The following PDLIM5 variants were observed in gnomAD, a reference collection of about 807,000 sequenced individuals.
PDLIM5 encodes PDZ and LIM domain 5.
A neutral mutation model predicts 64.2 loss-of-function variants in PDLIM5; 34 were observed. The observed-to-expected ratio is 0.53, with a 90% CI of 0.40 to 0.71. PDLIM5 has a LOEUF of 0.71. PDLIM5 is among the 30% of genes least tolerant of loss of function. The probability of loss-of-function intolerance (pLI) is 0.00; values close to 1 mark genes in which losing one functional copy is unlikely to be tolerated. For synonymous variants in PDLIM5, 253 were observed against 269.1 expected, an observed-to-expected ratio of 0.94 and a Z score of 0.59; for missense variants, 683 against 733.6, an observed-to-expected ratio of 0.93 and a Z score of 0.80.
chr4:94,475,626 CAG>C (rs1284181556), intron 2 of PDLIM5, among the ~76,000 whole-genome samples: 1 of 152,042 alleles, frequency 6.6e-6, no homozygotes, highest in Admixed American at 6.6e-5. Flanking sequence ...CAGGTGGACA[CAG>C]GGAGTTGTTT....
chr4:94,618,286 C>G, intron 8 of PDLIM5, 95 bp downstream of exon 8: 1 of 746,750 alleles, frequency 1.3e-6, no homozygotes, highest in East Asian at 3.0e-5. Flanking sequence ...CTGGTAAAAC[C>G]CATTCTCAAT....
chr4:94,455,025 A>T (rs1173012083), intron 1 of PDLIM5, among the ~76,000 whole-genome samples: 1 of 152,236 alleles, frequency 6.6e-6, no homozygotes, highest in East Asian at 1.9e-4. Flanking sequence ...AGTGTCTAGA[A>T]ATGTATTCTG....
At chr4:94,521,505 T>A (rs1300955555) in intron 2 of PDLIM5, among the ~76,000 whole-genome samples, 1 of 151,790 alleles carries the variant, frequency 6.6e-6, no homozygotes, top group Non-Finnish European at 1.5e-5. Context: ...AGGATTCCTG[T>A]GCTCCATGAT....
In PDLIM5 at chr4:94,667,997, T is replaced by G. The variant is rs1439332654; in HGVS notation, c.*3930T>G. 6.6e-6 allele frequency: 1 copy of G among 152,194 alleles called. No individual in the cohort carries two copies. Among genetic ancestry groups the G allele is most frequent in the African/African-American group, 2.4e-5 (1 of 41,462 alleles). The allele number at this position is 152,194 out of a possible 1,614,324, so 9.4% of individuals were successfully genotyped here. On this transcript the variant is annotated 3_prime_UTR_variant, in exon 13 of 13. Transcript: ENST00000317968. ...TTACACAAATTTGATCTGGCTTCCA[T>G]TTGTCCCCCTCATTTCCCAAATGTT...
intron 2 of PDLIM5, among the ~76,000 whole-genome samples, chr4:94,507,576 ACT>A (rs1262474043): frequency 6.6e-6 from 1 of 152,048 alleles, no homozygotes; most frequent in Non-Finnish European, 1.5e-5. Context: ...AACTAATCTA[ACT>A]CTGACTTTTA....
chr4:94,580,776 A>G (rs1469708720), intron 5 of PDLIM5, among the ~76,000 whole-genome samples: 2 of 152,068 alleles, frequency 1.3e-5, no homozygotes, highest in African/African-American at 4.8e-5. Flanking sequence ...ATTTGAGCCT[A>G]GGTCTTTTGA....
At chr4:94,612,453 T>G (rs1166275412) in intron 7 of PDLIM5, among the ~76,000 whole-genome samples, 1 of 152,136 alleles carries the variant, frequency 6.6e-6, no homozygotes, top group Non-Finnish European at 1.5e-5. Flanking sequence ...ATGCTTAGAG[T>G]ACACTTTGAG....
intron 3 of PDLIM5, among the ~76,000 whole-genome samples, chr4:94,567,730 T>G (rs932261039): frequency 6.6e-6 from 1 of 152,190 alleles, no homozygotes; most frequent in African/African-American, 2.4e-5. Flanking sequence ...TGAAAGAGGT[T>G]TTTAGCACTC....
intron 5 of PDLIM5, among the ~76,000 whole-genome samples, chr4:94,584,036 A>G (rs547953265): frequency 6.6e-6 from 1 of 152,302 alleles, no homozygotes; most frequent in East Asian, 1.9e-4. Flanking sequence ...TTCACTGGGG[A>G]AAAGCTTTTC....
intron 9 of PDLIM5, among the ~76,000 whole-genome samples, chr4:94,642,316 T>C (rs576769421): frequency 1.3e-5 from 2 of 152,320 alleles, no homozygotes; most frequent in South Asian, 4.1e-4. Context: ...AATTCCATGA[T>C]ATCCTGTAAT....
rs1418989806 is a variant in PDLIM5, at chr4:94,664,645, G to A, written c.*578G>A. On this transcript the variant is annotated 3_prime_UTR_variant, in exon 13 of 13. Coordinates refer to ENST00000317968, the MANE Select transcript of PDLIM5 (RefSeq NM_006457.5). ...AGCACTTTGGGAGGCCAAGGTGGGTGGACCACATGAGGTCAGGAGTTTGAG... is the reference window on the plus strand; with the variant it reads ...AGCACTTTGGGAGGCCAAGGTGGGTAGACCACATGAGGTCAGGAGTTTGAG... 7.8e-6 allele frequency: 2 copies of A among 257,416 alleles called. No individual in the cohort carries two copies. Among genetic ancestry groups the A allele is most frequent in the South Asian group, 1.5e-4 (1 of 6,850 alleles). 15.9% of individuals were successfully genotyped at this position (257,416 alleles called of 1,614,324 possible). A position where few individuals can be genotyped will look rare whatever the true frequency, so the allele number is the denominator to read the frequency against.
intron 3 of PDLIM5, among the ~76,000 whole-genome samples, chr4:94,554,729 G>A (rs1733119559): frequency 6.6e-6 from 1 of 152,070 alleles, no homozygotes; most frequent in South Asian, 2.1e-4. Context: ...TGTTTTTAAA[G>A]TTTGCTGTCA....
chr4:94,472,284 C>T (rs772675344), intron 2 of PDLIM5, among the ~76,000 whole-genome samples: 9 of 152,114 alleles, frequency 5.9e-5, no homozygotes, highest in Non-Finnish European at 1.0e-4. Flanking sequence ...CTTCTTCCAT[C>T]TGTCATGGTC....
intron 7 of PDLIM5, chr4:94,587,541 ATTAT>A (rs1279813010): frequency 2.2e-6 from 2 of 912,128 alleles, no homozygotes; most frequent in Non-Finnish European, 2.6e-6. Context: ...TTGATTGTAA[ATTAT>A]TCTAAATAAG....
chr4:94,574,368 C>G (rs1013989713), intron 4 of PDLIM5, among the ~76,000 whole-genome samples: 1 of 151,864 alleles, frequency 6.6e-6, no homozygotes, highest in Non-Finnish European at 1.5e-5. Context: ...CATGGTGTCA[C>G]GCATCTGTAG....
At chr4:94,604,861 ACC>A (rs1173580637) in intron 7 of PDLIM5, among the ~76,000 whole-genome samples, 1 of 152,166 alleles carries the variant, frequency 6.6e-6, no homozygotes, top group Non-Finnish European at 1.5e-5. Context: ...TGTATTTTTT[ACC>A]ACAGTTTTTA....
chr4:94,507,425 G>A (rs552680343), intron 2 of PDLIM5, among the ~76,000 whole-genome samples: 39 of 152,080 alleles, frequency 2.6e-4, no homozygotes, highest in Non-Finnish European at 4.6e-4. Context: ...TATCTAAATC[G>A]GGTATGGGTG....
rs957004536 is a variant in PDLIM5, at chr4:94,600,484, AACTTG to A, written c.920+14045_920+14049del. 4.6e-5 allele frequency among the ~76,000 whole-genome samples: 7 copies of A among 152,180 alleles called. No individual in the cohort carries two copies. In the South Asian group the frequency reaches 1.0e-3, roughly 23 times the overall value. On this transcript the variant is annotated intron_variant, in intron 7 of 12. Coordinates refer to ENST00000317968, the MANE Select transcript of PDLIM5 (RefSeq NM_006457.5). ...TATTCTTTTATATTTTCAAACAGGTAACTTGACTTAACACTATTTATTAAATAATA... is the reference window on the plus strand; with the variant it reads ...TATTCTTTTATATTTTCAAACAGGTAACTTAACACTATTTATTAAATAATA...
chr4:94,585,855 CTGTGCATA>C, intron 6 of PDLIM5, 118 bp downstream of exon 6: 6 of 718,494 alleles, frequency 8.4e-6, no homozygotes, highest in Non-Finnish European at 1.4e-5. Context: ...TTAAATTATG[CTGTGCATA>C]ACATGGGTAA....
Sources: allele counts gnomAD v4.1 joint callset (sites outside exome capture counted in the v4.1 genomes callset), GRCh38; gene constraint gnomAD v4.1.1; transcripts MANE v1.5; gene names NCBI Gene and HGNC (gene_info 2026-07-23, HGNC 2026-07-21).